The following CTCF variants were observed in gnomAD, a reference collection of about 807,000 sequenced individuals.
The protein encoded by CTCF is CCCTC-binding factor, also known as transcriptional repressor CTCF.
CTCF carries 7 observed loss-of-function variants against 72.3 expected under a neutral mutation model. The observed-to-expected ratio is 0.10, with a 90% CI of 0.06 to 0.18. The LOEUF is 0.18. Ranked by LOEUF, CTCF falls within the 10% of genes least tolerant of loss-of-function variation. The pLI is 1.00. For missense variants in CTCF, 516 were observed against 949.1 expected (o/e 0.54, Z 6.00); for synonymous variants, 374 against 315.8 (o/e 1.18, Z -1.95).
chr16:67,638,138 TTCCTAGA>T lies in CTCF; in HGVS notation c.*268_*274del. ...GGACAGTGTTGACAACTAACTCGTT[TTCCTAGA>T]TGGAAACGGAGACATTGACCCCTCC... On this transcript the variant is annotated 3_prime_UTR_variant, in exon 12 of 12. Coordinates refer to ENST00000264010, the MANE Select transcript of CTCF (RefSeq NM_006565.4). The T allele has an allele frequency of 2.6e-6, 1 of 381,518 alleles. No individual in the cohort carries two copies. Among genetic ancestry groups the T allele is most frequent in the South Asian group, 8.3e-5 (1 of 11,992 alleles). The allele number at this position is 381,518 out of a possible 1,614,324, so 23.6% of individuals were successfully genotyped here.
Position 67,616,696 on chromosome 16 carries a change from T to C in CTCF, c.953-49T>C, listed in dbSNP as rs368445117. On this transcript the variant is annotated intron_variant, in intron 4 of 11. Coordinates refer to ENST00000264010, the MANE Select transcript of CTCF (RefSeq NM_006565.4). ...TGTGCCACACATTGAACTCTGTCAT[T>C]AACTGTGCCCTTGATCTTGCTCTTC... 6 of 1,608,870 alleles carry C rather than the reference T, an allele frequency of 3.7e-6. No homozygotes were observed. The Admixed American group carries it at 5.0e-5, about 13-fold the overall frequency.
rs961010935 is a variant in CTCF at position 67,602,107 on chromosome 16, G to A, written c.-9-8717G>A. 4.6e-5 allele frequency among the ~76,000 whole-genome samples: 7 copies of A among 152,008 alleles called. No homozygotes were observed. In the East Asian group the frequency reaches 5.8e-4, roughly 13 times the overall value. On this transcript the variant is annotated intron_variant, in intron 2 of 11. Transcript: ENST00000264010. ...GTGAACTCCTGACCTCAGGTGATCC[G>A]CCTGCCTCGGCCTCCCAAAGTGCTG...
At position 67,628,117 on chromosome 16, in the gene CTCF, G is replaced by C. The variant is rs539157146; in HGVS notation, c.1519-253G>C. On this transcript the variant is annotated intron_variant, in intron 8 of 11. Coordinates refer to ENST00000264010, the MANE Select transcript of CTCF (RefSeq NM_006565.4). ...CTCAAAAAAAAAACAAAAAAAATTA[G>C]CCAGGCATGGTGGCTCATACCTATG... 2.6e-5 allele frequency among the ~76,000 whole-genome samples: 4 copies of C among 152,052 alleles called. No homozygotes were observed. In the South Asian group the frequency reaches 8.3e-4, roughly 32 times the overall value.
intron 10 of CTCF, among the ~76,000 whole-genome samples, chr16:67,635,046 G>A (rs994848878): frequency 3.3e-5 from 5 of 151,070 alleles, no homozygotes; most frequent in African/African-American, 7.3e-5. Context: ...TTTTTGAGAC[G>A]GAGTCTTGCT....
intron 2 of CTCF, among the ~76,000 whole-genome samples, chr16:67,591,288 T>C (rs2051740788): frequency 6.6e-6 from 1 of 152,144 alleles, no homozygotes; most frequent in Non-Finnish European, 1.5e-5. Context: ...CGAGACTCTG[T>C]CTCAAAAAAT....
At chr16:67,616,546 A>G (rs1033405450) in intron 4 of CTCF, 199 bp from the exon 5 acceptor site, 3 of 589,456 alleles carry the variant, frequency 5.1e-6, no homozygotes, top group Non-Finnish European at 9.1e-6. Context: ...GGTATGTGTT[A>G]TAATATCCTG....
At chr16:67,580,782 T>TA (rs1448157179) in intron 2 of CTCF, among the ~76,000 whole-genome samples, 1 of 148,224 alleles carries the variant, frequency 6.7e-6, no homozygotes, top group East Asian at 1.9e-4. Flanking sequence ...ATTTTTTTTT[T>TA]TTTTTTTTTT....
chr16:67,608,286 TG>T (rs2052004754), intron 2 of CTCF, among the ~76,000 whole-genome samples: 1 of 148,932 alleles, frequency 6.7e-6, no homozygotes, highest in Non-Finnish European at 1.5e-5. Flanking sequence ...ATCGTGCCAC[TG>T]CACCCTAGCC....
chr16:67,618,339 T>C (rs964876867), intron 5 of CTCF, among the ~76,000 whole-genome samples: 2 of 152,162 alleles, frequency 1.3e-5, no homozygotes, highest in African/African-American at 2.4e-5. Context: ...GAGGTGAAGG[T>C]TGCATTGAGG....
At chr16:67,635,520 C>T (rs1448248512) in intron 10 of CTCF, 1 of 152,160 alleles carries the variant, frequency 6.6e-6, no homozygotes, top group Non-Finnish European at 1.5e-5. Context: ...GACAGAGTTT[C>T]ACTCTTGTGG....
intron 2 of CTCF, among the ~76,000 whole-genome samples, chr16:67,580,772 A>ATTTTTTTT (rs781616750): frequency 3.3e-5 from 4 of 120,220 alleles, no homozygotes; most frequent in East Asian, 2.3e-4. Context: ...GCCTGGCCAA[A>ATTTTTTTT]TTTTTTTTTT....
At chr16:67,629,568 C>T (rs778815874) in intron 10 of CTCF, 35 bp downstream of exon 10, 6 of 1,606,568 alleles carry the variant, frequency 3.7e-6, no homozygotes, top group Non-Finnish European at 1.7e-6. Context: ...CTTACTATGG[C>T]AGGCTTTGGA....
intron 2 of CTCF, among the ~76,000 whole-genome samples, chr16:67,589,535 G>T (rs546811722): frequency 6.6e-6 from 1 of 152,220 alleles, no homozygotes; most frequent in East Asian, 1.9e-4. Context: ...CTTTATGCCA[G>T]GGTGGTAGGA....
chr16:67,606,832 G>A (rs775258040), intron 2 of CTCF, among the ~76,000 whole-genome samples: 11 of 146,922 alleles, frequency 7.5e-5, no homozygotes, highest in East Asian at 2.0e-4. Flanking sequence ...AGTGGCACTC[G>A]GCTCACTGCA....
intron 2 of CTCF, among the ~76,000 whole-genome samples, chr16:67,598,264 A>T (rs776987581): frequency 6.6e-6 from 1 of 152,186 alleles, no homozygotes; most frequent in Non-Finnish European, 1.5e-5. Context: ...GGTGTGAGTC[A>T]CTGCACCTGG....
intron 5 of CTCF, among the ~76,000 whole-genome samples, chr16:67,620,176 C>T (rs1385406616): frequency 6.6e-6 from 1 of 152,140 alleles, no homozygotes; most frequent in Non-Finnish European, 1.5e-5. Flanking sequence ...CATGTGCCTA[C>T]CACCCAGCTT....
At chr16:67,572,838 G>T (rs1024789809) in intron 2 of CTCF, among the ~76,000 whole-genome samples, 1 of 151,736 alleles carries the variant, frequency 6.6e-6, no homozygotes, top group Admixed American at 6.6e-5. Context: ...TACTTGGGAG[G>T]CTGAGGCAGG....
At chr16:67,573,980 G>A (rs1294233520) in intron 2 of CTCF, among the ~76,000 whole-genome samples, 2 of 151,804 alleles carry the variant, frequency 1.3e-5, no homozygotes, top group Admixed American at 1.3e-4. Context: ...GCAGTGAGCC[G>A]AGATCATGCC....
intron 1 of CTCF, among the ~76,000 whole-genome samples, chr16:67,565,066 A>G (rs1042643818): frequency 1.3e-5 from 2 of 150,830 alleles, no homozygotes; most frequent in African/African-American, 2.4e-5. Context: ...CAGTGGTGCG[A>G]TCTCGGCTCA....
Sources: allele counts gnomAD v4.1 joint callset (sites outside exome capture counted in the v4.1 genomes callset), GRCh38; gene constraint gnomAD v4.1.1; transcripts MANE v1.5; gene names NCBI Gene and HGNC (gene_info 2026-07-23, HGNC 2026-07-21).